The following EWSR1 variants were observed in gnomAD, a reference collection of about 807,000 sequenced individuals.
EWSR1 encodes EWS RNA binding protein 1.
A neutral mutation model predicts 92.1 loss-of-function variants in EWSR1; 14 were observed. The observed-to-expected ratio is 0.15, with a 90% CI of 0.10 to 0.24. The LOEUF is 0.24. Ranked by LOEUF, EWSR1 falls within the 10% of genes least tolerant of loss-of-function variation. The pLI, the probability that EWSR1 is intolerant of heterozygous loss-of-function variation, is 1.00. For missense variants in EWSR1, 637 were observed against 870.9 expected (o/e 0.73, Z 3.38); for synonymous variants, 303 against 292.9 (o/e 1.03, Z -0.35).
chr22:29,274,347 A>G, intron 4 of EWSR1: 3 of 1,573,672 alleles, frequency 1.9e-6, no homozygotes, highest in Non-Finnish European at 2.6e-6. Flanking sequence ...CTGTAATGTT[A>G]ATCCTTTAGG....
In EWSR1 at chr22:29,272,437, C is replaced by T; in HGVS notation, c.102+6C>T. The T allele has an allele frequency of 8.7e-6, 14 of 1,612,170 alleles. No homozygotes were observed. The highest frequency in any genetic ancestry group is 1.1e-5 in the Non-Finnish European group (13 of 1,179,774). On this transcript the variant is annotated splice_donor_region_variant and intron_variant, in intron 3 of 16. Transcript: ENST00000397938. ...GATATGCACAGACCACCCAGGTAAT[C>T]TTTAAAATAATTACATGTAGCTGCA...
chr22:29,294,802 A>C (rs78870312), intron 11 of EWSR1, among the ~76,000 whole-genome samples: 1,696 of 149,654 alleles, frequency 0.011, 38 homozygotes, highest in African/African-American at 0.039. Flanking sequence ...TAGTTGAGCT[A>C]CTTGGGAGTC....
At chr22:29,289,244 C>T (rs72547438) in intron 8 of EWSR1, 32 of 233,440 alleles carry the variant, frequency 1.4e-4, no homozygotes, top group Non-Finnish European at 2.2e-4. Flanking sequence ...TACTCAGAAT[C>T]GTTGAACATA....
chr22:29,281,690 C>T (rs986620142), intron 5 of EWSR1, among the ~76,000 whole-genome samples: 4 of 152,166 alleles, frequency 2.6e-5, no homozygotes, highest in Non-Finnish European at 5.9e-5. Flanking sequence ...ACGCCATTCT[C>T]CTGCCTCAGC....
intron 7 of EWSR1, among the ~76,000 whole-genome samples, chr22:29,288,284 A>G (rs915906587): frequency 6.6e-6 from 1 of 152,240 alleles, no homozygotes; most frequent in Non-Finnish European, 1.5e-5. Context: ...TCTTGAGTTT[A>G]GCTCAAAAGA....
intron 11 of EWSR1, among the ~76,000 whole-genome samples, chr22:29,295,012 A>C (rs972113850): frequency 6.6e-6 from 1 of 152,126 alleles, no homozygotes; most frequent in African/African-American, 2.4e-5. Flanking sequence ...ACACACCTCA[A>C]AAGTAAAATG....
chr22:29,295,758 A>G (rs1452567993), intron 11 of EWSR1: 1 of 226,348 alleles, frequency 4.4e-6, no homozygotes, highest in Non-Finnish European at 8.8e-6. Context: ...CAGCTGAAAG[A>G]CTAGTCATCT....
chr22:29,271,290 ATT>A (rs1005629475), intron 1 of EWSR1, among the ~76,000 whole-genome samples: 2 of 152,188 alleles, frequency 1.3e-5, no homozygotes, highest in African/African-American at 4.8e-5. Context: ...AAAAAACTAA[ATT>A]TATCTAACTT....
chr22:29,275,739 T>A (rs1768437628), intron 4 of EWSR1: 1 of 228,908 alleles, frequency 4.4e-6, no homozygotes, highest in African/African-American at 2.2e-5. Flanking sequence ...TCTAGGATTT[T>A]TAAAAATTAA....
At chr22:29,279,199 T>C (rs2059368998) in intron 5 of EWSR1, among the ~76,000 whole-genome samples, 2 of 152,216 alleles carry the variant, frequency 1.3e-5, no homozygotes, top group African/African-American at 2.4e-5. Flanking sequence ...AATTGTACTT[T>C]TGATGCTTTT....
chr22:29,290,087 C>G, intron 8 of EWSR1: 1 of 257,820 alleles, frequency 3.9e-6, no homozygotes, highest in East Asian at 5.7e-5. Context: ...TATAATCCTA[C>G]TAATTGTGCT....
intron 11 of EWSR1, among the ~76,000 whole-genome samples, chr22:29,294,149 C>A (rs527714157): frequency 5.3e-4 from 80 of 152,040 alleles, no homozygotes; most frequent in South Asian, 1.0e-3. Flanking sequence ...CAGGTGTGAG[C>A]CACCACACCC....
intron 4 of EWSR1, chr22:29,274,351 C>T: frequency 1.9e-6 from 3 of 1,565,908 alleles, no homozygotes; most frequent in Admixed American, 1.7e-5. Context: ...AATGTTAATC[C>T]TTTAGGTGTT....
rs377197628 is a variant in EWSR1, at chr22:29,300,103, G to A, written c.1932-19G>A. 1.7e-5 allele frequency: 27 copies of A among 1,600,316 alleles called. No homozygotes were observed. The highest frequency in any genetic ancestry group is 1.8e-5 in the Non-Finnish European group (21 of 1,176,892). On this transcript the variant is annotated intron_variant, in intron 16 of 16. Transcript: ENST00000397938. ...TCACCCCTTCCCATTCTAACCGAAG[G>A]GCCCTCTTTACCTTGCAGAGGCGAG... is the stretch of plus-strand genomic sequence containing the variant.
chr22:29,276,911 C>A, intron 4 of EWSR1: 1 of 231,688 alleles, frequency 4.3e-6, no homozygotes, highest in East Asian at 6.1e-5. Flanking sequence ...CTCAGCCTCC[C>A]AAAGTGTAAA....
chr22:29,278,274 G>C (rs774342568), intron 5 of EWSR1, 58 bp downstream of exon 5: 1 of 1,510,978 alleles, frequency 6.6e-7, no homozygotes, highest in South Asian at 1.2e-5. Flanking sequence ...GAAAGCAACT[G>C]TGTACACTTA....
At chr22:29,294,132 G>A (rs943920054) in intron 11 of EWSR1, among the ~76,000 whole-genome samples, 4 of 150,882 alleles carry the variant, frequency 2.7e-5, no homozygotes, top group Non-Finnish European at 4.4e-5. Context: ...CCAAAGTGCT[G>A]TGATTACAGG....
chr22:29,298,607 C>T, intron 13 of EWSR1, 126 bp from the exon 14 acceptor site: 2 of 1,198,052 alleles, frequency 1.7e-6, no homozygotes, highest in Non-Finnish European at 1.2e-6. Flanking sequence ...CACACGGAAA[C>T]ACGGGACAGG....
intron 4 of EWSR1, chr22:29,276,114 G>T (rs1046954166): frequency 8.6e-6 from 2 of 231,560 alleles, no homozygotes; most frequent in African/African-American, 4.4e-5. Context: ...ATGAGTTATT[G>T]CCCTGATCAC....
Sources: allele counts gnomAD v4.1 joint callset (sites outside exome capture counted in the v4.1 genomes callset), GRCh38; gene constraint gnomAD v4.1.1; transcripts MANE v1.5; gene names NCBI Gene and HGNC (gene_info 2026-07-23, HGNC 2026-07-21).